RORA: variants seen among roughly 807,000 people sequenced by gnomAD.
The protein encoded by RORA is RAR related orphan receptor A.
A neutral mutation model predicts 69.5 loss-of-function variants in RORA; 7 were observed. That is an observed-to-expected ratio of 0.10 (90% CI 0.06 to 0.19). The LOEUF (loss-of-function observed/expected upper bound fraction) is 0.19. RORA is among the 10% of genes least tolerant of loss of function. The pLI, the probability that RORA is intolerant of heterozygous loss-of-function variation, is 1.00. For missense variants in RORA, 457 were observed against 663.0 expected (o/e 0.69, Z 3.41); for synonymous variants, 261 against 240.8 (o/e 1.08, Z -0.78).
In RORA at chr15:60,524,239, T is replaced by C. The variant is rs138527669; in HGVS notation, c.282+7527A>G. 2.3e-3 allele frequency among the ~76,000 whole-genome samples: 343 copies of C among 152,346 alleles called. 2 individuals are homozygous for C. The highest frequency in any genetic ancestry group is 9.6e-4 in the East Asian group (5 of 5,196). ...CTTTCACTTCTTGAGTTGGTTATTA[T>C]ACAACCTTCCAATTGGGACCCCTGC... On this transcript the variant is annotated intron_variant, in intron 3 of 10. Coordinates refer to ENST00000335670, the MANE Select transcript of RORA (RefSeq NM_134261.3).
Position 60,492,921 on chromosome 15 carries a change from T to A in RORA, c.*4534A>T, listed in dbSNP as rs1333542869. 2.6e-5 allele frequency: 4 copies of A among 152,064 alleles called. No homozygotes were observed. Among genetic ancestry groups the A allele is most frequent in the Non-Finnish European group, 5.9e-5 (4 of 68,004 alleles). 9.4% of individuals were successfully genotyped at this position (152,064 alleles called of 1,614,324 possible). On this transcript the variant is annotated 3_prime_UTR_variant, in exon 11 of 11. Transcript: ENST00000335670. ...AGGGATAGTATTATTATCATTATTA[T>A]TAATAATAAAAAACACAATTTGTCC...
intron 1 of RORA, among the ~76,000 whole-genome samples, chr15:61,006,684 T>C (rs1372287858): frequency 1.3e-5 from 2 of 152,146 alleles, no homozygotes; most frequent in Admixed American, 1.3e-4. Flanking sequence ...TCAGACACAG[T>C]TGGAATTTTC....
At chr15:61,222,499 T>C (rs1473572841) in intron 1 of RORA, among the ~76,000 whole-genome samples, 1 of 152,218 alleles carries the variant, frequency 6.6e-6, no homozygotes, top group Admixed American at 6.5e-5. Flanking sequence ...TTCCTCATCA[T>C]GCCCCATTCC....
At chr15:60,664,141 C>T (rs905775614) in intron 2 of RORA, among the ~76,000 whole-genome samples, 24 of 152,188 alleles carry the variant, frequency 1.6e-4, no homozygotes, top group Non-Finnish European at 1.0e-4. Context: ...AGAACATCTT[C>T]CTGTCTCTCA....
chr15:60,857,781 C>T (rs1478199120), intron 1 of RORA, among the ~76,000 whole-genome samples: 1 of 152,184 alleles, frequency 6.6e-6, no homozygotes, highest in African/African-American at 2.4e-5. Flanking sequence ...CGAAGAGAAG[C>T]TGGCAACAAA....
At chr15:60,847,953 C>A (rs770767816) in intron 1 of RORA, 6 of 152,248 alleles carry the variant, frequency 3.9e-5, no homozygotes, top group Non-Finnish European at 7.3e-5. Flanking sequence ...ACTCTCCAGC[C>A]CTCTGCCCAC....
chr15:61,180,066 C>T (rs2079668197), intron 1 of RORA, among the ~76,000 whole-genome samples: 1 of 149,992 alleles, frequency 6.7e-6, no homozygotes, highest in Non-Finnish European at 1.5e-5. Flanking sequence ...ATCACTTGAA[C>T]CCAGGAGGCA....
At chr15:60,947,169 A>G (rs1306043008) in intron 1 of RORA, among the ~76,000 whole-genome samples, 1 of 151,226 alleles carries the variant, frequency 6.6e-6, no homozygotes, top group Non-Finnish European at 1.5e-5. Context: ...CCCTCTGCCC[A>G]GCCGCCACCC....
At chr15:61,225,195 G>A (rs760830583) in intron 1 of RORA, among the ~76,000 whole-genome samples, 8 of 152,048 alleles carry the variant, frequency 5.3e-5, no homozygotes, top group African/African-American at 9.6e-5. Context: ...GCAATTTACC[G>A]GAAAATTAAA....
intron 1 of RORA, among the ~76,000 whole-genome samples, chr15:60,887,087 A>G (rs917509391): frequency 1.3e-5 from 2 of 152,208 alleles, no homozygotes; most frequent in African/African-American, 4.8e-5. Context: ...AAACCAAGAC[A>G]GGTCAGAAGA....
chr15:60,745,065 G>A (rs769769749), intron 1 of RORA, among the ~76,000 whole-genome samples: 21 of 152,206 alleles, frequency 1.4e-4, no homozygotes, highest in Non-Finnish European at 2.6e-4. Context: ...CTTTCTGAAA[G>A]GCCATTTTGT....
At chr15:60,704,223 T>C (rs2071026606) in intron 1 of RORA, among the ~76,000 whole-genome samples, 2 of 152,276 alleles carry the variant, frequency 1.3e-5, no homozygotes, top group Non-Finnish European at 2.9e-5. Context: ...CCGAGGTGTT[T>C]ACATCTCGGC....
In RORA at chr15:61,022,539, C is replaced by T. The variant is rs561493890; in HGVS notation, c.166+206514G>A. ...ATGCCAGTATTTTCAATGGTGCACA[C>T]ACAGACACACATTCTGTTGATGCAA... On this transcript the variant is annotated intron_variant, in intron 1 of 10. Coordinates refer to ENST00000335670, the MANE Select transcript of RORA (RefSeq NM_134261.3). 3.3e-5 allele frequency among the ~76,000 whole-genome samples: 5 copies of T among 152,206 alleles called. No individual in the cohort carries two copies. The East Asian group carries it at 9.7e-4, about 29-fold the overall frequency.
intron 1 of RORA, among the ~76,000 whole-genome samples, chr15:60,957,746 G>A (rs1893309515): frequency 6.6e-6 from 1 of 152,132 alleles, no homozygotes; most frequent in Non-Finnish European, 1.5e-5. Context: ...GGGACAGTAT[G>A]ACAGAAAAGA....
intron 1 of RORA, among the ~76,000 whole-genome samples, chr15:60,844,330 T>C (rs2073237661): frequency 6.6e-6 from 1 of 152,194 alleles, no homozygotes; most frequent in African/African-American, 2.4e-5. Flanking sequence ...ATTACTACTT[T>C]AAACTACACA....
chr15:61,204,593 G>A (rs2079923144), intron 1 of RORA, among the ~76,000 whole-genome samples: 1 of 152,200 alleles, frequency 6.6e-6, no homozygotes, highest in Non-Finnish European at 1.5e-5. Flanking sequence ...TATATTCTAT[G>A]AGCAACCGGA....
intron 2 of RORA, among the ~76,000 whole-genome samples, chr15:60,588,176 A>C (rs2068390460): frequency 6.6e-6 from 1 of 152,212 alleles, no homozygotes; most frequent in South Asian, 2.1e-4. Flanking sequence ...CTCCAAAAAA[A>C]CTGTTTTTTA....
At chr15:60,550,581 T>C (rs1287636555) in intron 2 of RORA, among the ~76,000 whole-genome samples, 1 of 152,234 alleles carries the variant, frequency 6.6e-6, no homozygotes, top group Non-Finnish European at 1.5e-5. Context: ...ATTAAAGTTA[T>C]TGTCAGCACA....
intron 1 of RORA, among the ~76,000 whole-genome samples, chr15:60,694,415 T>C (rs943439791): frequency 1.1e-4 from 17 of 152,214 alleles, no homozygotes; most frequent in African/African-American, 3.1e-4. Context: ...GTGGTCTCCA[T>C]GCCTTGCAGC....
Sources: allele counts gnomAD v4.1 joint callset (sites outside exome capture counted in the v4.1 genomes callset), GRCh38; gene constraint gnomAD v4.1.1; transcripts MANE v1.5; gene names NCBI Gene and HGNC (gene_info 2026-07-23, HGNC 2026-07-21).